The following PLD1 variants were observed in gnomAD, a reference collection of about 807,000 sequenced individuals.
PLD1 encodes the protein phospholipase D1, also known as choline phosphatase 1.
In PLD1, 112 loss-of-function variants were observed where a neutral mutation model predicts 137.1. The ratio of observed to expected loss-of-function variants is 0.82; its 90% CI spans 0.70 to 0.96. The LOEUF is 0.96. PLD1 is among the 40% of genes least tolerant of loss of function. The pLI is 0.00. For synonymous variants in PLD1, 431 were observed against 454.7 expected, an observed-to-expected ratio of 0.95 and a Z score of 0.66; for missense variants, 1,321 against 1,342.0, an observed-to-expected ratio of 0.98 and a Z score of 0.24.
At chr3:171,711,844 T>C (rs62281878) in intron 9 of PLD1, among the ~76,000 whole-genome samples, 1 of 135,688 alleles carries the variant, frequency 7.4e-6, no homozygotes, top group Non-Finnish European at 1.5e-5. Context: ...AAAAAAAAAT[T>C]CAGAGTGGAT....
chr3:171,718,049 A>T (rs1020067984), intron 8 of PLD1, among the ~76,000 whole-genome samples: 3 of 152,234 alleles, frequency 2.0e-5, no homozygotes, highest in African/African-American at 7.2e-5. Context: ...CATATGTTGA[A>T]CCATATAGAG....
At chr3:171,753,974 A>T (rs991875695) in intron 1 of PLD1, among the ~76,000 whole-genome samples, 1 of 152,020 alleles carries the variant, frequency 6.6e-6, no homozygotes, top group African/African-American at 2.4e-5. Context: ...CTCCAACCCC[A>T]TCTTTGCCTG....
chr3:171,672,626 C>T (rs190260115), intron 19 of PLD1, among the ~76,000 whole-genome samples: 3 of 151,910 alleles, frequency 2.0e-5, no homozygotes, highest in African/African-American at 4.8e-5. Flanking sequence ...TGGCTGGGAC[C>T]GCAAGCATGT....
chr3:171,743,212 C>G (rs998159115), intron 1 of PLD1, among the ~76,000 whole-genome samples: 1 of 152,174 alleles, frequency 6.6e-6, no homozygotes, highest in Non-Finnish European at 1.5e-5. Flanking sequence ...ATCTTGGTTG[C>G]TAGTGTCATC....
rs77755636 is a variant in PLD1 at position 171,701,496 on chromosome 3, A to G, written c.1146-1670T>C. ...GTATGGGGGAGACTTTTAATGTCAT[A>G]CTCTGCAATTAAGTATTTATCATCA... is the stretch of plus-strand genomic sequence containing the variant. On this transcript the variant is annotated intron_variant, in intron 11 of 26. Coordinates refer to ENST00000351298, the MANE Select transcript of PLD1 (RefSeq NM_002662.5). Among the ~76,000 whole-genome samples, 702 of 152,308 alleles carry G rather than the reference A, an allele frequency of 4.6e-3. 3 individuals carry two copies. Among genetic ancestry groups the G allele is most frequent in the African/African-American group, 0.016 (678 of 41,554 alleles).
intron 1 of PLD1, among the ~76,000 whole-genome samples, chr3:171,766,549 T>A (rs905301552): frequency 2.0e-5 from 3 of 152,188 alleles, no homozygotes; most frequent in African/African-American, 7.2e-5. Context: ...ATATCTATCA[T>A]CACCATTTCC....
At chr3:171,712,490 C>T (rs1435037381) in intron 9 of PLD1, among the ~76,000 whole-genome samples, 1 of 152,076 alleles carries the variant, frequency 6.6e-6, no homozygotes, top group Non-Finnish European at 1.5e-5. Context: ...CTATTCCAAA[C>T]ATGGACATAA....
rs554097130 is a variant in PLD1 at position 171,769,156 on chromosome 3, T to C, written c.-31-31074A>G. Among the ~76,000 whole-genome samples the C allele has an allele frequency of 6.6e-5, 10 of 152,220 alleles. No homozygotes were observed. In the South Asian group the frequency reaches 1.5e-3, roughly 22 times the overall value. ...ACCCTAAAATCTGGTTTTTAGGGAG[T>C]TTCCCTCTTATCTAATCCTTTGCCA... is the stretch of plus-strand genomic sequence containing the variant. On this transcript the variant is annotated intron_variant, in intron 1 of 26. Coordinates refer to ENST00000351298, the MANE Select transcript of PLD1 (RefSeq NM_002662.5).
In PLD1 at chr3:171,701,427, C is replaced by T. The variant is rs139915940; in HGVS notation, c.1146-1601G>A. ...ATAGCCAACAACATATATACAATTG[C>T]AATTTTTTGATGTGTACATTAAATA... On this transcript the variant is annotated intron_variant, in intron 11 of 26. Coordinates refer to ENST00000351298, the MANE Select transcript of PLD1 (RefSeq NM_002662.5). Among the ~76,000 whole-genome samples the T allele has an allele frequency of 8.0e-3, 1,214 of 152,278 alleles. 6 individuals are homozygous for T. The highest frequency in any genetic ancestry group is 0.013 in the Non-Finnish European group (867 of 68,022).
chr3:171,723,700 T>C lies in PLD1; in HGVS notation c.758+996A>G, dbSNP rs145960517. Among the ~76,000 whole-genome samples, 22 of 152,342 alleles carry C rather than the reference T, an allele frequency of 1.4e-4. No homozygotes were observed. In the East Asian group the frequency reaches 4.2e-3, roughly 29 times the overall value. On this transcript the variant is annotated intron_variant, in intron 8 of 26. Transcript: ENST00000351298. ...AGATGATATCTCATTGTAGTTTTCA[T>C]TTGCATTTCTCTGATGATCAATGAT...
At position 171,679,538 on chromosome 3, in the gene PLD1, A is replaced by T. The variant is rs374204582; in HGVS notation, c.1868-1844T>A. Among the ~76,000 whole-genome samples, 11 of 152,354 alleles carry T rather than the reference A, an allele frequency of 7.2e-5. No individual in the cohort carries two copies. The South Asian group carries it at 8.3e-4, about 11-fold the overall frequency. ...GAGATAAACAATATTTCAAATTTCA[A>T]ATATAAAATACACATATACAATTTG... is the stretch of plus-strand genomic sequence containing the variant. On this transcript the variant is annotated intron_variant, in intron 16 of 26. Coordinates refer to ENST00000351298, the MANE Select transcript of PLD1 (RefSeq NM_002662.5).
At chr3:171,611,583 G>C (rs1467344805) in intron 25 of PLD1, 1 of 518,780 alleles carries the variant, frequency 1.9e-6, no homozygotes, top group East Asian at 5.5e-5. Flanking sequence ...TTTAAAATTT[G>C]CATCTTCTTG....
At chr3:171,804,588 A>G (rs899233886) in intron 1 of PLD1, among the ~76,000 whole-genome samples, 1 of 152,348 alleles carries the variant, frequency 6.6e-6, no homozygotes, top group Non-Finnish European at 1.5e-5. Flanking sequence ...CAATAGAAAA[A>G]ATAATGGCAA....
intron 1 of PLD1, among the ~76,000 whole-genome samples, chr3:171,776,313 T>A (rs1722589936): frequency 6.6e-6 from 1 of 152,182 alleles, no homozygotes. Flanking sequence ...TAGAACCTGA[T>A]CGCAAGAGGT....
intron 19 of PLD1, among the ~76,000 whole-genome samples, chr3:171,663,597 G>A (rs144193209): frequency 5.9e-5 from 9 of 152,316 alleles, no homozygotes; most frequent in Non-Finnish European, 1.3e-4. Flanking sequence ...GACTGTGGCT[G>A]TGCACAGAAG....
At chr3:171,681,086 A>T (rs1208880436) in intron 16 of PLD1, among the ~76,000 whole-genome samples, 1 of 152,204 alleles carries the variant, frequency 6.6e-6, no homozygotes, top group African/African-American at 2.4e-5. Context: ...ATCAGCCCTT[A>T]ACCACAATTC....
At chr3:171,618,601 T>C (rs9871438) in intron 24 of PLD1, among the ~76,000 whole-genome samples, 5 of 152,094 alleles carry the variant, frequency 3.3e-5, no homozygotes, top group African/African-American at 1.2e-4. Context: ...ATAAATGAAA[T>C]CTTGAGTATT....
At chr3:171,709,128 TAC>T (rs1716942425) in intron 10 of PLD1, among the ~76,000 whole-genome samples, 1 of 152,212 alleles carries the variant, frequency 6.6e-6, no homozygotes, top group Non-Finnish European at 1.5e-5. Flanking sequence ...CTGTTGAACT[TAC>T]ATACAGTTTT....
chr3:171,697,715 G>A (rs1227191930), intron 12 of PLD1, among the ~76,000 whole-genome samples: 1 of 152,054 alleles, frequency 6.6e-6, no homozygotes, highest in Non-Finnish European at 1.5e-5. Flanking sequence ...AAAAATGTTT[G>A]TCCATCCTAA....
Sources: allele counts gnomAD v4.1 joint callset (sites outside exome capture counted in the v4.1 genomes callset), GRCh38; gene constraint gnomAD v4.1.1; transcripts MANE v1.5; gene names NCBI Gene and HGNC (gene_info 2026-07-23, HGNC 2026-07-21).